The following DLC1 variants were observed in gnomAD, a reference collection of about 807,000 sequenced individuals.
DLC1 encodes rho GTPase-activating protein 7.
A neutral mutation model predicts 140.3 loss-of-function variants in DLC1; 54 were observed. That is an observed-to-expected ratio of 0.38 (90% CI 0.31 to 0.48). The LOEUF is 0.48. Ranked by LOEUF, DLC1 falls within the 20% of genes least tolerant of loss-of-function variation. DLC1 has a pLI of 0.96. For missense variants in DLC1, 2,536 were observed against 1,907.0 expected, an observed-to-expected ratio of 1.33 and a Z score of -6.14; for synonymous variants, 986 against 728.1, an observed-to-expected ratio of 1.35 and a Z score of -5.70.
intron 2 of DLC1, among the ~76,000 whole-genome samples, chr8:13,453,420 A>ATTTTTTTTTTTTTTT (rs1218533007): frequency 4.4e-5 from 1 of 22,712 alleles, no homozygotes; most frequent in Non-Finnish European, 7.9e-5. Context: ...ATATATATAT[A>ATTTTTTTTTTTTTTT]TATGTGTATA....
chr8:13,402,077 C>T (rs942240083), intron 2 of DLC1, among the ~76,000 whole-genome samples: 23 of 151,378 alleles, frequency 1.5e-4, no homozygotes, highest in African/African-American at 5.1e-4. Flanking sequence ...AAGAACTAAG[C>T]GAGGCAAGTT....
intron 4 of DLC1, among the ~76,000 whole-genome samples, chr8:13,348,477 T>A (rs1387049038): frequency 6.6e-6 from 1 of 152,188 alleles, no homozygotes; most frequent in Non-Finnish European, 1.5e-5. Context: ...GGAAATGTGT[T>A]GGAAGTAGAT....
At chr8:13,505,043 A>G (rs1039431318) in intron 1 of DLC1, among the ~76,000 whole-genome samples, 1 of 152,234 alleles carries the variant, frequency 6.6e-6, no homozygotes, top group Non-Finnish European at 1.5e-5. Context: ...AATAAAGTCA[A>G]GCAATTTGGA....
At chr8:13,493,895 G>A (rs1012396720) in intron 2 of DLC1, among the ~76,000 whole-genome samples, 3 of 152,222 alleles carry the variant, frequency 2.0e-5, no homozygotes, top group Middle Eastern at 6.8e-3. Flanking sequence ...AGGTATGGGA[G>A]TCCTTTTACC....
intron 5 of DLC1, among the ~76,000 whole-genome samples, chr8:13,136,750 C>G (rs10089272): frequency 0.25 from 37,470 of 152,068 alleles, 5,177 homozygotes; most frequent in Admixed American, 0.4. Flanking sequence ...GCTCAGGCTG[C>G]TCTTGAACTC....
intron 2 of DLC1, among the ~76,000 whole-genome samples, chr8:13,407,569 A>G (rs886702587): frequency 6.6e-6 from 1 of 152,342 alleles, no homozygotes; most frequent in Non-Finnish European, 1.5e-5. Flanking sequence ...CAAAAAGTTT[A>G]GTAAAATACC....
At chr8:13,539,500 C>T (rs1012993435) in intron 1 of DLC1, among the ~76,000 whole-genome samples, 13 of 152,066 alleles carry the variant, frequency 8.5e-5, no homozygotes, top group African/African-American at 1.4e-4. Context: ...GCACCCGCCG[C>T]GAATAGTATT....
rs568080359 is a variant in DLC1, at chr8:13,485,848, G to T, written c.1023+13201C>A. The stretch of plus-strand genomic sequence containing the variant: ...GAAAGGCTCATGCACAACTTAGCAT[G>T]CTTTTTGTTTCTAGTCTAAGCAGAA... On this transcript the variant is annotated intron_variant, in intron 2 of 17. Transcript: ENST00000276297. 1.6e-4 allele frequency among the ~76,000 whole-genome samples: 24 copies of T among 152,234 alleles called. No individual in the cohort carries two copies. The South Asian group carries it at 2.1e-3, about 13-fold the overall frequency.
intron 5 of DLC1, among the ~76,000 whole-genome samples, chr8:13,139,432 A>C (rs908120345): frequency 2.0e-5 from 3 of 152,040 alleles, no homozygotes; most frequent in Non-Finnish European, 4.4e-5. Context: ...TAGTACTTTC[A>C]TCATTCAACA....
chr8:13,318,656 C>G (rs1443403317), intron 4 of DLC1, among the ~76,000 whole-genome samples: 1 of 152,132 alleles, frequency 6.6e-6, no homozygotes, highest in Non-Finnish European at 1.5e-5. Context: ...AACAAAACAC[C>G]TAGTTGGAAC....
intron 4 of DLC1, among the ~76,000 whole-genome samples, chr8:13,384,683 C>T (rs541220166): frequency 6.6e-6 from 1 of 152,250 alleles, no homozygotes; most frequent in Admixed American, 6.5e-5. Context: ...ATTAAGACCT[C>T]AATGATTTGG....
chr8:13,316,563 T>G (rs1832868057), intron 4 of DLC1, among the ~76,000 whole-genome samples: 2 of 152,160 alleles, frequency 1.3e-5, no homozygotes, highest in South Asian at 2.1e-4. Flanking sequence ...TCCAGGTAGG[T>G]TGGGCCCATG....
intron 5 of DLC1, among the ~76,000 whole-genome samples, chr8:13,188,844 T>TATATATATGTATATATATA (rs1491498157): frequency 7.7e-5 from 2 of 25,836 alleles, no homozygotes; most frequent in Non-Finnish European, 1.6e-4. Context: ...TATATATATA[T>TATATATATGTATATATATA]TTTTTTTTTT....
chr8:13,219,190 C>T (rs1468013012), intron 5 of DLC1, among the ~76,000 whole-genome samples: 11 of 78,072 alleles, frequency 1.4e-4, no homozygotes, highest in South Asian at 8.0e-4. Context: ...ATGAATATAA[C>T]TATATAAGAA....
chr8:13,416,564 C>T (rs1392599722), intron 2 of DLC1, among the ~76,000 whole-genome samples: 1 of 152,048 alleles, frequency 6.6e-6, no homozygotes, highest in African/African-American at 2.4e-5. Context: ...TATTCTGCAC[C>T]ATCTCTGAAA....
At chr8:13,387,291 T>C (rs1836567369) in intron 4 of DLC1, among the ~76,000 whole-genome samples, 1 of 152,046 alleles carries the variant, frequency 6.6e-6, no homozygotes, top group Non-Finnish European at 1.5e-5. Flanking sequence ...GACAGTACTT[T>C]ATCCTTCTGT....
At position 13,297,282 on chromosome 8, in the gene DLC1, T is replaced by TAAAAAAAAAAATAAAA. The variant is rs753767301; in HGVS notation, c.1348+7986_1348+7987insTTTTATTTTTTTTTTT. Among the ~76,000 whole-genome samples, 6 of 9,638 alleles carry TAAAAAAAAAAATAAAA rather than the reference T, an allele frequency of 6.2e-4. 2 individuals are homozygous for TAAAAAAAAAAATAAAA. Among genetic ancestry groups the TAAAAAAAAAAATAAAA allele is most frequent in the African/African-American group, 2.1e-3 (6 of 2,792 alleles). The allele number at this position is 9,638 out of a possible 152,430, so 6.3% of individuals were successfully genotyped here. On this transcript the variant is annotated intron_variant, in intron 5 of 17. Coordinates refer to ENST00000276297, the MANE Select transcript of DLC1 (RefSeq NM_182643.3). ...CAGGCAAGCAGAGGCCTTCATACAT[T>TAAAAAAAAAAATAAAA]AAAAAAAAAAAAAACTGAAGCAAGT...
In DLC1 at chr8:13,499,550, C is replaced by G. The variant is rs147848228; in HGVS notation, c.522G>C (p.Leu174=). Residue 174 remains leucine, a synonymous_variant, in exon 2 of 18, where the codon CTG becomes CTC. Coordinates refer to ENST00000276297, the MANE Select transcript of DLC1 (RefSeq NM_182643.3). The part of the protein sequence containing the change: ...WGIAGETELA[L]VKESGERKVT... ...CTTTTCTCTCCCCACTTTCTTTTACCAGTGCTAATTCAGTTTCACCAGCTA... is the reference window on the plus strand; with the variant it reads ...CTTTTCTCTCCCCACTTTCTTTTACGAGTGCTAATTCAGTTTCACCAGCTA... 9 of 1,614,108 alleles carry G rather than the reference C, an allele frequency of 5.6e-6. No individual in the cohort carries two copies. The South Asian group carries it at 7.7e-5, about 14-fold the overall frequency.
intron 5 of DLC1, among the ~76,000 whole-genome samples, chr8:13,217,970 C>T (rs188746244): frequency 1.3e-5 from 2 of 152,220 alleles, no homozygotes; most frequent in Admixed American, 1.3e-4. Context: ...CCATTTTAGC[C>T]CTTACATAAA....
Sources: gnomAD v4.1 joint callset for allele counts (sites outside exome capture counted in the v4.1 genomes callset) on GRCh38, gnomAD v4.1.1 for gene constraint, MANE v1.5 for transcripts, NCBI Gene and HGNC (gene_info 2026-07-23, HGNC 2026-07-21) for gene names.